SYNE1: variants seen among roughly 807,000 people sequenced by gnomAD.
The protein encoded by SYNE1 is nesprin-1.
SYNE1 carries 616 observed loss-of-function variants against 1,111.0 expected under a neutral mutation model. The ratio of observed to expected loss-of-function variants is 0.55; its 90% confidence interval spans 0.52 to 0.59. SYNE1 has a LOEUF of 0.59. SYNE1 is among the 20% of genes least tolerant of loss of function. The pLI, the probability that SYNE1 is intolerant of heterozygous loss-of-function variation, is 0.00. For missense variants in SYNE1, 10,006 were observed against 10,417.0 expected (o/e 0.96, Z 1.72); for synonymous variants, 3,855 against 3,825.8 (o/e 1.01, Z -0.28).
rs201449723 is a variant in SYNE1 at position 152,334,144 on chromosome 6, C to T, written c.12658G>A (p.Asp4220Asn). The T allele has an allele frequency of 2.9e-5, 47 of 1,614,124 alleles. No homozygotes were observed. Among genetic ancestry groups the T allele is most frequent in the Middle Eastern group, 1.6e-4 (1 of 6,062 alleles). ...EINHLNDQWL[D>N]LCRQSNNLCL... ...AGGTTGTTAGACTGACGGCACAAAT[C>T]GAGCCACTGATCATTTAAATGATTT... The change falls in exon 77 of 146, where the codon GAT (aspartate) becomes AAT (asparagine). Residue 4220 changes from aspartate (D) to asparagine (N), a missense_variant. This residue lies in a region of SYNE1 where 4,955 missense variants were observed against 5,017.2 expected (regional missense o/e 0.99). Transcript: ENST00000367255.
At chr6:152,558,537 T>C (rs1564840404) in intron 3 of SYNE1, among the ~76,000 whole-genome samples, 1 of 152,178 alleles carries the variant, frequency 6.6e-6, no homozygotes, top group Non-Finnish European at 1.5e-5. Flanking sequence ...AGAACAAGGA[T>C]GGCTATCCTT....
At position 152,428,323 on chromosome 6, in the gene SYNE1, C is replaced by T; in HGVS notation, c.4858G>A (p.Val1620Met). 2 of 1,614,180 alleles carry T rather than the reference C, an allele frequency of 1.2e-6. No individual in the cohort carries two copies. The highest frequency in any genetic ancestry group is 1.7e-6 in the Non-Finnish European group (2 of 1,180,032). The stretch of plus-strand genomic sequence containing the variant: ...TCCTGAACACAGGAATCTCTGTTCA[C>T]AACCTTCCTGGCACTGGCTGAGAAG... ...TAFSASARKV[V>M]NRDSCVQEAA... is the part of the protein sequence containing the mutation. The change falls in exon 37 of 146, where the codon GTG becomes ATG. Residue 1620 changes from valine to methionine, a missense_variant. Around this residue, in one of 7 missense-constraint regions of SYNE1, gnomAD observed 1,971 missense variants for 2,084.1 expected, o/e 0.95. Coordinates refer to ENST00000367255, the MANE Select transcript of SYNE1 (RefSeq NM_182961.4).
At chr6:152,355,270 A>T (rs991139081) in intron 66 of SYNE1, among the ~76,000 whole-genome samples, 10 of 152,210 alleles carry the variant, frequency 6.6e-5, no homozygotes, top group African/African-American at 2.4e-4. Flanking sequence ...AACACTTGTG[A>T]ATAAAGGGCT....
intron 53 of SYNE1, among the ~76,000 whole-genome samples, chr6:152,389,074 TAATAAC>T (rs1038781684): frequency 6.7e-5 from 8 of 118,560 alleles, no homozygotes; most frequent in African/African-American, 5.1e-4. Flanking sequence ...AAAACAACAA[TAATAAC>T]AACAACAAAA....
intron 3 of SYNE1, among the ~76,000 whole-genome samples, chr6:152,571,395 A>G (rs553688700): frequency 6.6e-6 from 1 of 152,220 alleles, no homozygotes; most frequent in East Asian, 1.9e-4. Flanking sequence ...GCAGAAACAA[A>G]CAAACAAAAA....
chr6:152,477,900 G>A (rs2098844712), intron 14 of SYNE1, among the ~76,000 whole-genome samples: 2 of 152,104 alleles, frequency 1.3e-5, no homozygotes, highest in African/African-American at 4.8e-5. Flanking sequence ...CGAGTAGCTG[G>A]GACTACAGGC....
chr6:152,473,916 T>C (rs1311637608), intron 14 of SYNE1, among the ~76,000 whole-genome samples: 3 of 152,190 alleles, frequency 2.0e-5, no homozygotes. Context: ...CCGGGTGTGG[T>C]GGCTCATGTC....
At chr6:152,423,475 C>T (rs970838305) in intron 39 of SYNE1, among the ~76,000 whole-genome samples, 3 of 152,214 alleles carry the variant, frequency 2.0e-5, no homozygotes, top group Non-Finnish European at 4.4e-5. Context: ...ATTGACTCTG[C>T]ACTCTTCTCT....
chr6:152,312,158 ATATT>A (rs1431380338), intron 87 of SYNE1, among the ~76,000 whole-genome samples: 1 of 151,718 alleles, frequency 6.6e-6, no homozygotes, highest in East Asian at 1.9e-4. Flanking sequence ...TAACAGATAA[ATATT>A]TATCTGTATA....
Position 152,136,783 on chromosome 6 carries a change from G to A in SYNE1, c.25494C>T (p.Ile8498=). 3 of 1,614,258 alleles carry A rather than the reference G, an allele frequency of 1.9e-6. No individual in the cohort carries two copies. The highest frequency in any genetic ancestry group is 2.2e-5 in the East Asian group (1 of 44,880). Residue 8498 remains isoleucine, a synonymous_variant, in exon 141 of 146, where the codon ATC becomes ATT. Transcript: ENST00000367255. ...LQKAVDHRKA[I]ILSINLCSPE... ...GGCTGCAGAGATTGATGGAGAGGAT[G>A]ATGGCTTTGCGGTGGTCCACAGCTT...
intron 121 of SYNE1, among the ~76,000 whole-genome samples, chr6:152,216,962 C>A (rs561806467): frequency 6.6e-6 from 1 of 151,592 alleles, no homozygotes; most frequent in African/African-American, 2.4e-5. Context: ...ATTTGGGAGG[C>A]TGAGGCAGGA....
chr6:152,385,886 A>G, intron 54 of SYNE1, 48 bp from the exon 55 acceptor site: 1 of 1,597,588 alleles, frequency 6.3e-7, no homozygotes, highest in South Asian at 1.1e-5. Flanking sequence ...TTTTGAGAAC[A>G]TGAACTCAGG....
chr6:152,401,410 G>A, intron 46 of SYNE1, 69 bp from the exon 47 acceptor site: 1 of 1,474,982 alleles, frequency 6.8e-7, no homozygotes, highest in Non-Finnish European at 9.4e-7. Context: ...TAGAAATTCT[G>A]TTCACGTGCA....
intron 95 of SYNE1, among the ~76,000 whole-genome samples, chr6:152,288,502 G>C (rs2094441243): frequency 6.6e-6 from 1 of 152,210 alleles, no homozygotes; most frequent in Non-Finnish European, 1.5e-5. Flanking sequence ...ATGTTCTGCA[G>C]TCAGTAATAA....
At chr6:152,354,153 T>C (rs543019993) in intron 67 of SYNE1, among the ~76,000 whole-genome samples, 1 of 152,114 alleles carries the variant, frequency 6.6e-6, no homozygotes, top group Non-Finnish European at 1.5e-5. Context: ...AAAAATTAAA[T>C]AAAATAAATA....
chr6:152,459,273 T>C (rs1049023225), intron 21 of SYNE1, among the ~76,000 whole-genome samples: 2 of 152,228 alleles, frequency 1.3e-5, no homozygotes, highest in African/African-American at 4.8e-5. Context: ...ATTTTCACTT[T>C]GGCCTTGAAA....
chr6:152,158,778 T>C (rs2061846417), intron 131 of SYNE1, among the ~76,000 whole-genome samples: 1 of 150,996 alleles, frequency 6.6e-6, no homozygotes, highest in South Asian at 2.2e-4. Context: ...TTGGAAGAAG[T>C]GTTAGGCCCC....
chr6:152,346,683 G>A (rs549009355), intron 73 of SYNE1, among the ~76,000 whole-genome samples: 26 of 152,036 alleles, frequency 1.7e-4, no homozygotes, highest in South Asian at 4.2e-4. Flanking sequence ...GGTGGCGGGC[G>A]CCTGTAGTCC....
chr6:152,466,049 T>G lies in SYNE1; in HGVS notation c.1662A>C (p.Glu554Asp). Reference sequence around the variant, plus strand: ...AGATCTGGTATGTCACCTCATATTGTTCAAAGAACTTGCTATTTTCTATAA... The same window carrying G: ...AGATCTGGTATGTCACCTCATATTGGTCAAAGAACTTGCTATTTTCTATAA... Reference protein sequence around the residue: ...VSFIENSKFFEQYEVTYQILK... With the variant: ...VSFIENSKFFDQYEVTYQILK... Residue 554 changes from glutamate (E) to aspartate (D), a missense_variant, in exon 17 of 146, where the codon GAA (glutamate) becomes GAC (aspartate). By Grantham distance (45) the Glu-to-Asp change is conservative. Around this residue, in one of 7 missense-constraint regions of SYNE1, gnomAD observed 1,971 missense variants for 2,084.1 expected, o/e 0.95. Transcript: ENST00000367255. 6.2e-7 allele frequency: 1 copy of G among 1,611,712 alleles called. No individual in the cohort carries two copies.
Sources: gnomAD v4.1 joint callset for allele counts (sites outside exome capture counted in the v4.1 genomes callset) on GRCh38, gnomAD v4.1.1 for gene constraint, gnomAD v4.1.1 regional missense constraint, MANE v1.5 for transcripts, NCBI Gene and HGNC (gene_info 2026-07-23, HGNC 2026-07-21) for gene names.